ADAM12: variants seen among roughly 807,000 people sequenced by gnomAD.
The protein encoded by ADAM12 is ADAM metallopeptidase domain 12.
In ADAM12, 70 loss-of-function variants were observed where a neutral mutation model predicts 106.4. The ratio of observed to expected loss-of-function variants is 0.66; its 90% CI spans 0.54 to 0.80. ADAM12 has a LOEUF of 0.80. ADAM12 is among the 30% of genes least tolerant of loss of function. ADAM12 has a pLI of 0.00. For synonymous variants in ADAM12, 420 were observed against 433.5 expected (o/e 0.97, Z 0.39); for missense variants, 1,010 against 1,171.9 (o/e 0.86, Z 2.02).
intron 1 of ADAM12, among the ~76,000 whole-genome samples, chr10:126,360,501 A>G (rs1017100711): frequency 3.9e-5 from 6 of 152,164 alleles, no homozygotes. Context: ...AAGTTCCACA[A>G]ATCTCTAGGG....
At chr10:126,359,389 G>T (rs1855661244) in intron 1 of ADAM12, among the ~76,000 whole-genome samples, 1 of 152,112 alleles carries the variant, frequency 6.6e-6, no homozygotes. Context: ...AGTCCCTTCT[G>T]CCTATGAGCC....
intron 2 of ADAM12, among the ~76,000 whole-genome samples, chr10:126,323,561 G>A (rs1854187954): frequency 6.6e-6 from 1 of 151,966 alleles, no homozygotes; most frequent in Non-Finnish European, 1.5e-5. Context: ...TAAAGTCTCA[G>A]AGTCAGTCAA....
rs1263650818 is a variant in ADAM12 at position 126,051,568 on chromosome 10, T to TCCAG, written c.1610-1900_1610-1899insCTGG. Among the ~76,000 whole-genome samples the TCCAG allele has an allele frequency of 6.2e-4, 59 of 94,898 alleles. 2 individuals carry two copies. In the South Asian group the frequency reaches 0.011, roughly 17 times the overall value. The allele number at this position is 94,898 out of a possible 152,430, so 62.3% of individuals were successfully genotyped here. A position where few individuals can be genotyped will look rare whatever the true frequency, so the allele number is the denominator to read the frequency against. Reference sequence around the variant, plus strand: ...ATCCATCCATCCATCCATCCATCCATCCATCCATCCATCCATCCATCCAGC... The same window carrying TCCAG: ...ATCCATCCATCCATCCATCCATCCATCCAGCCATCCATCCATCCATCCATCCAGC... On this transcript the variant is annotated intron_variant, in intron 14 of 22. Coordinates refer to ENST00000448723, the MANE Select transcript of ADAM12 (RefSeq NM_001288973.2).
intron 6 of ADAM12, among the ~76,000 whole-genome samples, chr10:126,117,358 G>C (rs1278392): frequency 0.56 from 85,636 of 152,030 alleles, 24,212 homozygotes; most frequent in Non-Finnish European, 0.59. Context: ...TTCCAGTGCT[G>C]CTGCAAAAAG....
intron 1 of ADAM12, 128 bp from the exon 2 acceptor site, chr10:126,330,637 C>A: frequency 1.4e-6 from 1 of 730,220 alleles, no homozygotes; most frequent in Non-Finnish European, 2.2e-6. Context: ...ACACTAGAAC[C>A]CATTAAGTCA....
intron 3 of ADAM12, among the ~76,000 whole-genome samples, chr10:126,266,298 G>A (rs528230063): frequency 6.6e-6 from 1 of 152,302 alleles, no homozygotes; most frequent in Admixed American, 6.5e-5. Context: ...CAGGTGACAA[G>A]AGCAGCAGGT....
chr10:126,135,574 G>T lies in ADAM12; in HGVS notation c.416+10C>A. 1 of 1,613,468 alleles carries T rather than the reference G, an allele frequency of 6.2e-7. No individual in the cohort carries two copies. Among genetic ancestry groups the T allele is most frequent in the Middle Eastern group, 1.6e-4 (1 of 6,062 alleles). On this transcript the variant is annotated intron_variant, in intron 5 of 22. Transcript: ENST00000448723. ...TGAAGACTAGAGCCGCCATGGTCAT[G>T]GCCACTTACCTGAGACCAGAACACG... is the stretch of plus-strand genomic sequence containing the variant.
chr10:126,212,891 C>CT (rs907699878), intron 3 of ADAM12, among the ~76,000 whole-genome samples: 14 of 151,548 alleles, frequency 9.2e-5, no homozygotes, highest in Admixed American at 6.6e-5. Flanking sequence ...GTCAGAGTAA[C>CT]TTTTTTTTTC....
chr10:126,289,771 C>T (rs1018881458), intron 2 of ADAM12, among the ~76,000 whole-genome samples: 1 of 152,192 alleles, frequency 6.6e-6, no homozygotes, highest in African/African-American at 2.4e-5. Context: ...GGCTAGAAGG[C>T]TACGGTCAGA....
intron 4 of ADAM12, among the ~76,000 whole-genome samples, chr10:126,149,807 G>A (rs1026436038): frequency 8.5e-5 from 13 of 152,124 alleles, no homozygotes; most frequent in Non-Finnish European, 1.3e-4. Flanking sequence ...CTGCACCATC[G>A]GCTTCCCTAC....
chr10:126,288,379 G>A lies in ADAM12; in HGVS notation c.187-9391C>T, dbSNP rs142422376. 1.9e-3 allele frequency among the ~76,000 whole-genome samples: 287 copies of A among 152,282 alleles called. 1 individual carries two copies. The highest frequency in any genetic ancestry group is 3.3e-3 in the Admixed American group (50 of 15,298). On this transcript the variant is annotated intron_variant, in intron 2 of 22. Transcript: ENST00000448723. ...GGGTCCCAGCACCCTCAGCTCTCCG[G>A]AGAGGATTCCACATCCTCCTGCTCA...
At chr10:126,338,659 A>G (rs1854806162) in intron 1 of ADAM12, among the ~76,000 whole-genome samples, 1 of 152,170 alleles carries the variant, frequency 6.6e-6, no homozygotes, top group Non-Finnish European at 1.5e-5. Flanking sequence ...AAAGTTGCCT[A>G]ATAATATAAA....
rs1957926543 is a variant in ADAM12, at chr10:126,212,874, T to G, written c.261-57569A>C. On this transcript the variant is annotated intron_variant, in intron 3 of 22. Coordinates refer to ENST00000448723, the MANE Select transcript of ADAM12 (RefSeq NM_001288973.2). ...CCACCTGCCTTTTGTGTATTCTCTCTCATGCAGTCAGAGTAACTTTTTTTT... is the reference window on the plus strand; with the variant it reads ...CCACCTGCCTTTTGTGTATTCTCTCGCATGCAGTCAGAGTAACTTTTTTTT... Among the ~76,000 whole-genome samples the G allele has an allele frequency of 3.3e-5, 5 of 152,226 alleles. No individual in the cohort carries two copies. The South Asian group carries it at 1.0e-3, about 32-fold the overall frequency.
intron 8 of ADAM12, among the ~76,000 whole-genome samples, chr10:126,106,497 T>C (rs927326862): frequency 6.7e-6 from 1 of 148,896 alleles, no homozygotes; most frequent in Non-Finnish European, 1.5e-5. Context: ...TTTTTTTTTT[T>C]TTTTTTTGAG....
chr10:126,258,522 T>C (rs528089853), intron 3 of ADAM12, among the ~76,000 whole-genome samples: 43 of 152,336 alleles, frequency 2.8e-4, no homozygotes, highest in Non-Finnish European at 4.4e-4. Context: ...AATCCATCCA[T>C]GCCCTACTTA....
intron 1 of ADAM12, among the ~76,000 whole-genome samples, chr10:126,335,784 G>A (rs1564740549): frequency 6.6e-6 from 1 of 152,164 alleles, no homozygotes; most frequent in Non-Finnish European, 1.5e-5. Flanking sequence ...AGATGGTCAA[G>A]GTCAACATCA....
At chr10:126,158,865 C>A (rs970524775) in intron 3 of ADAM12, among the ~76,000 whole-genome samples, 2 of 138,670 alleles carry the variant, frequency 1.4e-5, no homozygotes, top group South Asian at 2.4e-4. Flanking sequence ...GGGGAGGGTG[C>A]GCAGAGCATG....
chr10:126,071,861 C>T (rs113026598), intron 11 of ADAM12, among the ~76,000 whole-genome samples: 18 of 152,274 alleles, frequency 1.2e-4, no homozygotes, highest in African/African-American at 4.3e-4. Flanking sequence ...CCGTACAGTG[C>T]CAACGCGGCT....
intron 3 of ADAM12, among the ~76,000 whole-genome samples, chr10:126,221,406 AAG>A (rs1258339978): frequency 5.0e-5 from 7 of 140,306 alleles, no homozygotes; most frequent in African/African-American, 1.8e-4. Flanking sequence ...AAAAAAAAAA[AAG>A]AAAGAAAGAA....
Sources: allele counts gnomAD v4.1 joint callset (sites outside exome capture counted in the v4.1 genomes callset), GRCh38; gene constraint gnomAD v4.1.1; transcripts MANE v1.5; gene names NCBI Gene and HGNC (gene_info 2026-07-23, HGNC 2026-07-21).